ZNF236: variants seen among roughly 807,000 people sequenced by gnomAD.
ZNF236 encodes zinc finger protein 236.
In ZNF236, 50 loss-of-function variants were observed where a neutral mutation model predicts 191.2. That is an observed-to-expected ratio of 0.26 (90% confidence interval 0.21 to 0.33). The LOEUF is 0.33. Among genes scored for constraint, ZNF236 ranks in the 10% least tolerant of loss-of-function variants. ZNF236 has a pLI of 1.00. For missense variants in ZNF236, 1,754 were observed against 2,374.5 expected (o/e 0.74, Z 5.43); for synonymous variants, 907 against 928.8 (o/e 0.98, Z 0.43).
intron 25 of ZNF236, among the ~76,000 whole-genome samples, chr18:76,934,184 A>C (rs1290278035): frequency 6.6e-6 from 1 of 152,210 alleles, no homozygotes; most frequent in Non-Finnish European, 1.5e-5. Context: ...GAAGTGTATC[A>C]CCACTTAGGG....
chr18:76,945,169 C>T (rs1048373899), intron 26 of ZNF236, among the ~76,000 whole-genome samples: 3 of 152,104 alleles, frequency 2.0e-5, no homozygotes, highest in African/African-American at 7.2e-5. Flanking sequence ...TAATTTTTCC[C>T]TTGATATACC....
chr18:76,940,221 G>T (rs2122890010), intron 26 of ZNF236, among the ~76,000 whole-genome samples: 2 of 147,176 alleles, frequency 1.4e-5, no homozygotes, highest in South Asian at 4.4e-4. Context: ...GAACATGGTG[G>T]GCTGCCCTAG....
In ZNF236 at chr18:76,828,024, G is replaced by A. The variant is rs1338131139; in HGVS notation, c.55+5362G>A. On this transcript the variant is annotated intron_variant, in intron 1 of 30. Coordinates refer to ENST00000320610, the MANE Select transcript of ZNF236 (RefSeq NM_001306089.2). ...AATACTTAGTTCATTTCCAGAGAGC[G>A]GAGACAGGCAGACCATGAGCCCAAT... Among the ~76,000 whole-genome samples, 6 of 152,068 alleles carry A rather than the reference G, an allele frequency of 3.9e-5. No individual in the cohort carries two copies. In the East Asian group the frequency reaches 7.7e-4, roughly 20 times the overall value.
intron 4 of ZNF236, among the ~76,000 whole-genome samples, chr18:76,869,128 TGGGTA>T (rs1391027643): frequency 6.6e-6 from 1 of 152,258 alleles, no homozygotes; most frequent in Non-Finnish European, 1.5e-5. Context: ...TACATGTTTA[TGGGTA>T]GGTAACAAAA....
intron 9 of ZNF236, among the ~76,000 whole-genome samples, chr18:76,891,209 T>C (rs535247296): frequency 3.9e-5 from 6 of 152,286 alleles, no homozygotes; most frequent in Admixed American, 2.6e-4. Flanking sequence ...TTTTTTCTAA[T>C]TTGTTTGCCT....
intron 1 of ZNF236, among the ~76,000 whole-genome samples, chr18:76,836,249 CTCTT>C (rs1975321520): frequency 6.6e-6 from 1 of 151,968 alleles, no homozygotes; most frequent in Non-Finnish European, 1.5e-5. Flanking sequence ...CAGTGTCTCA[CTCTT>C]TCAGTTGCCC....
At chr18:76,882,157 TGCTTTCTGCAG>T (rs1199158919) in intron 9 of ZNF236, among the ~76,000 whole-genome samples, 1 of 152,226 alleles carries the variant, frequency 6.6e-6, no homozygotes, top group African/African-American at 2.4e-5. Flanking sequence ...CTGCACATCA[TGCTTTCTGCAG>T]GCTTTCTGCA....
intron 9 of ZNF236, among the ~76,000 whole-genome samples, chr18:76,883,501 G>A (rs991495571): frequency 9.3e-5 from 14 of 151,286 alleles, no homozygotes; most frequent in Non-Finnish European, 1.2e-4. Context: ...ATAGCTCACT[G>A]TAGCCTTGAA....
At chr18:76,881,537 TG>T in intron 9 of ZNF236, 25 bp downstream of exon 9, 1 of 1,595,760 alleles carries the variant, frequency 6.3e-7, no homozygotes, top group South Asian at 1.1e-5. Flanking sequence ...CTTTAAAGTT[TG>T]GACATTTGGG....
At chr18:76,824,233 A>G in intron 1 of ZNF236, 1 of 760,892 alleles carries the variant, frequency 1.3e-6, no homozygotes, top group Middle Eastern at 2.3e-4. Context: ...ATCAATGTAA[A>G]CTTATTCATA....
rs537268664 is a variant in ZNF236 at position 76,902,107 on chromosome 18, A to G, written c.1895-2273A>G. 3.3e-5 allele frequency among the ~76,000 whole-genome samples: 5 copies of G among 152,304 alleles called. No homozygotes were observed. In the South Asian group the frequency reaches 8.3e-4, roughly 25 times the overall value. ...CGCAGATACTTGTATCTTAGACCAG[A>G]TAGGGGAACCTGAATTCTTTGGTTT... is the stretch of plus-strand genomic sequence containing the variant. On this transcript the variant is annotated intron_variant, in intron 11 of 30. Coordinates refer to ENST00000320610, the MANE Select transcript of ZNF236 (RefSeq NM_001306089.2).
chr18:76,924,503 C>T (rs1967622275), intron 21 of ZNF236, among the ~76,000 whole-genome samples: 1 of 152,174 alleles, frequency 6.6e-6, no homozygotes. Flanking sequence ...GTGCACCATC[C>T]TGTAAAAATT....
At position 76,925,525 on chromosome 18, in the gene ZNF236, G is replaced by A. The variant is rs1967651605; in HGVS notation, c.3998G>A (p.Gly1333Asp). ...AATCTGCTGCAACCAGGACTGGTGG[G>A]CCAAGCTATTCTCCCTGCCTCTGTG... is the stretch of plus-strand genomic sequence containing the variant. The part of the protein sequence containing the change: ...DQNLLQPGLV[G>D]QAILPASVSA... The change falls in exon 22 of 31, where the codon GGC (glycine) becomes GAC (aspartate). Residue 1333 changes from glycine to aspartate, a missense_variant. Coordinates refer to ENST00000320610, the MANE Select transcript of ZNF236 (RefSeq NM_001306089.2). This position sits in a 1 kb window ranked among gnomAD's most constrained non-coding sequence, Gnocchi z 5.7. 6.2e-7 allele frequency: 1 copy of A among 1,613,614 alleles called. No individual in the cohort carries two copies. The highest frequency in any genetic ancestry group is 8.5e-7 in the Non-Finnish European group (1 of 1,180,016).
In ZNF236 at chr18:76,927,921, A is replaced by C. The variant is rs56998771; in HGVS notation, c.4415-6A>C. The C allele has an allele frequency of 5.3e-4, 829 of 1,556,846 alleles. 7 individuals are homozygous for C. In the African/African-American group the frequency reaches 0.01, roughly 19 times the overall value. The stretch of plus-strand genomic sequence containing the variant: ...CAACTTTGTTTTGCTTTGTAATGAC[A>C]ATCAGGGACCCAAGACCTCACTCAA... On this transcript the variant is annotated splice_region_variant and splice_polypyrimidine_tract_variant and intron_variant, in intron 24 of 30. Coordinates refer to ENST00000320610, the MANE Select transcript of ZNF236 (RefSeq NM_001306089.2). This position sits in a 1 kb window ranked among gnomAD's most constrained non-coding sequence, Gnocchi z 5.4.
rs938481797 is a variant in ZNF236, at chr18:76,970,104, C to T, written c.*1765C>T. ...AGTTTTAAAGGTTCTGCTTTTAATG[C>T]ACTTTTTATTTTATAATTTTGTATT... is the stretch of plus-strand genomic sequence containing the variant. On this transcript the variant is annotated 3_prime_UTR_variant, in exon 31 of 31. Transcript: ENST00000320610. The T allele has an allele frequency of 6.6e-6, 1 of 152,490 alleles. No homozygotes were observed. Among genetic ancestry groups the T allele is most frequent in the African/African-American group, 2.4e-5 (1 of 41,402 alleles). 9.4% of individuals were successfully genotyped at this position (152,490 alleles called of 1,614,324 possible).
chr18:76,884,443 A>G (rs1299689842), intron 9 of ZNF236, among the ~76,000 whole-genome samples: 3 of 151,904 alleles, frequency 2.0e-5, no homozygotes, highest in African/African-American at 4.8e-5. Context: ...AATATTGCCT[A>G]TCTAGAAATC....
chr18:76,938,516 C>T (rs577528837), intron 26 of ZNF236, among the ~76,000 whole-genome samples: 10 of 152,346 alleles, frequency 6.6e-5, no homozygotes, highest in African/African-American at 2.4e-4. Context: ...AACACTATTA[C>T]AACCACTTGC....
chr18:76,850,004 C>T (rs1259628655), intron 2 of ZNF236, among the ~76,000 whole-genome samples: 3 of 152,064 alleles, frequency 2.0e-5, no homozygotes, highest in African/African-American at 4.8e-5. Flanking sequence ...GTATTTTTCT[C>T]CAGTGGGGAG....
In ZNF236 at chr18:76,899,144, G is replaced by T. The variant is rs780130656; in HGVS notation, c.1816G>T (p.Ala606Ser). 20 of 1,614,024 alleles carry T rather than the reference G, an allele frequency of 1.2e-5. No individual in the cohort carries two copies. The highest frequency in any genetic ancestry group is 1.7e-5 in the Non-Finnish European group (20 of 1,180,022). ...GAAAATGAGGCACCAGCGTAAACCT[G>T]CAAAGGTCCGTGTTGGCAAGACGAA... ...LRKMRHQRKP[A>S]KVRVGKTNIP... The change falls in exon 11 of 31, where the codon GCA (alanine) becomes TCA (serine). Residue 606 changes from alanine to serine, a missense_variant. This residue lies in a region of ZNF236 where 641 missense variants were observed against 869.6 expected (regional missense o/e 0.74). Transcript: ENST00000320610.
Sources: gnomAD v4.1 joint callset for allele counts (sites outside exome capture counted in the v4.1 genomes callset) on GRCh38, gnomAD v4.1.1 for gene constraint, gnomAD v4.1.1 regional missense constraint, Gnocchi (gnomAD v3.1) non-coding constraint, MANE v1.5 for transcripts, NCBI Gene and HGNC (gene_info 2026-07-23, HGNC 2026-07-21) for gene names.